Variants in PPP1R9A observed in about 807,000 individuals in gnomAD.
PPP1R9A encodes the protein neurabin-1.
Under a neutral mutation model 141.9 loss-of-function variants are expected in PPP1R9A, and 59 were observed. The ratio of observed to expected loss-of-function variants is 0.42; its 90% confidence interval spans 0.34 to 0.52. The LOEUF is 0.52. Among genes scored for constraint, PPP1R9A ranks in the 20% least tolerant of loss-of-function variants. The pLI is 0.10. For missense variants in PPP1R9A, 1,444 were observed against 1,611.9 expected (o/e 0.90, Z 1.78); for synonymous variants, 500 against 569.7 (o/e 0.88, Z 1.74).
chr7:95,043,412 C>T (rs551017091), intron 2 of PPP1R9A, among the ~76,000 whole-genome samples: 129 of 152,268 alleles, frequency 8.5e-4, no homozygotes, highest in African/African-American at 3.0e-3. Flanking sequence ...AAAACTTGTA[C>T]ATGATGTTTT....
At chr7:95,157,109 G>A (rs963735937) in intron 4 of PPP1R9A, among the ~76,000 whole-genome samples, 2 of 152,148 alleles carry the variant, frequency 1.3e-5, no homozygotes, top group African/African-American at 4.8e-5. Flanking sequence ...CCAAGTATCT[G>A]TCTGCCTCCC....
chr7:95,288,746 T>TA (rs1435562320), intron 19 of PPP1R9A, 28 bp downstream of exon 19: 3 of 1,604,978 alleles, frequency 1.9e-6, no homozygotes, highest in Non-Finnish European at 2.6e-6. Flanking sequence ...TGTCTTAGGT[T>TA]ACCAGGTATA....
chr7:94,980,808 T>C (rs1800016868), intron 2 of PPP1R9A, among the ~76,000 whole-genome samples: 2 of 152,082 alleles, frequency 1.3e-5, no homozygotes, highest in Admixed American at 6.6e-5. Flanking sequence ...ATATTGAATA[T>C]TACTCAAAGC....
At chr7:95,087,894 CAAAA>C (rs1293796093) in intron 2 of PPP1R9A, among the ~76,000 whole-genome samples, 2 of 121,828 alleles carry the variant, frequency 1.6e-5, no homozygotes, top group African/African-American at 6.3e-5. Flanking sequence ...GACTCCATCT[CAAAA>C]AAAAGAGAGA....
chr7:95,057,014 ATCTC>A (rs1056627249), intron 2 of PPP1R9A, among the ~76,000 whole-genome samples: 1 of 152,122 alleles, frequency 6.6e-6, no homozygotes, highest in African/African-American at 2.4e-5. Context: ...TTGAATTTTG[ATCTC>A]TCTCTCCATG....
chr7:95,247,173 G>A (rs553937937), intron 8 of PPP1R9A, among the ~76,000 whole-genome samples: 24 of 152,264 alleles, frequency 1.6e-4, no homozygotes, highest in African/African-American at 5.8e-4. Flanking sequence ...GTTCCTTGAC[G>A]CTCAAATCAT....
chr7:94,934,847 T>TACAC (rs748557984), intron 2 of PPP1R9A, among the ~76,000 whole-genome samples: 2 of 144,394 alleles, frequency 1.4e-5, no homozygotes, highest in South Asian at 4.4e-4. Context: ...TACGTATACA[T>TACAC]ACACACACAC....
chr7:95,073,342 AT>A (rs1490981240), intron 2 of PPP1R9A, among the ~76,000 whole-genome samples: 1 of 152,104 alleles, frequency 6.6e-6, no homozygotes, highest in East Asian at 1.9e-4. Context: ...TTATAGCTAC[AT>A]GTAAAGCTAC....
At chr7:95,198,207 A>G (rs1836574481) in intron 5 of PPP1R9A, 142 bp from the exon 6 acceptor site, 3 of 709,668 alleles carry the variant, frequency 4.2e-6, no homozygotes, top group Admixed American at 3.9e-5. Flanking sequence ...CTTCTCACCC[A>G]AGAAAACCAT....
intron 2 of PPP1R9A, among the ~76,000 whole-genome samples, chr7:95,072,501 T>C (rs1319965095): frequency 2.1e-5 from 3 of 142,966 alleles, no homozygotes; most frequent in Non-Finnish European, 3.0e-5. Context: ...TCAGGACTCA[T>C]AAAACTAAGT....
At chr7:95,203,754 T>C (rs1410170305) in intron 7 of PPP1R9A, 24 bp downstream of exon 7, 3 of 1,457,614 alleles carry the variant, frequency 2.1e-6, no homozygotes, top group Non-Finnish European at 2.8e-6. Flanking sequence ...TTTAAAGTAA[T>C]GCTTACCTGT....
At chr7:95,133,503 T>C (rs1458556935) in intron 4 of PPP1R9A, among the ~76,000 whole-genome samples, 1 of 115,040 alleles carries the variant, frequency 8.7e-6, no homozygotes, top group Non-Finnish European at 1.7e-5. Context: ...GGATATATTA[T>C]GCAGTCGTAT....
At chr7:95,274,899 G>T (rs1802878884) in intron 16 of PPP1R9A, among the ~76,000 whole-genome samples, 1 of 152,104 alleles carries the variant, frequency 6.6e-6, no homozygotes, top group South Asian at 2.1e-4. Context: ...ATTTCCTCAT[G>T]TAAAATGAGA....
At chr7:95,221,999 A>AT (rs1371746913) in intron 7 of PPP1R9A, among the ~76,000 whole-genome samples, 2 of 152,098 alleles carry the variant, frequency 1.3e-5, no homozygotes, top group East Asian at 3.9e-4. Flanking sequence ...TTTGTCAGCG[A>AT]TTCCTCTCTG....
intron 2 of PPP1R9A, among the ~76,000 whole-genome samples, chr7:95,078,124 TC>T (rs1235331572): frequency 2.1e-5 from 2 of 93,194 alleles, no homozygotes; most frequent in African/African-American, 4.2e-5. Flanking sequence ...AAGCTATCCC[TC>T]CCCCCTCCCC....
At chr7:95,072,920 A>G (rs1244000091) in intron 2 of PPP1R9A, among the ~76,000 whole-genome samples, 2 of 124,752 alleles carry the variant, frequency 1.6e-5, no homozygotes, top group Admixed American at 1.0e-4. Flanking sequence ...AATATATATT[A>G]TATATTGCAT....
At chr7:95,150,007 A>G (rs1828363602) in intron 4 of PPP1R9A, among the ~76,000 whole-genome samples, 1 of 152,150 alleles carries the variant, frequency 6.6e-6, no homozygotes, top group Admixed American at 6.6e-5. Flanking sequence ...AAGAATAGAC[A>G]AAGAGATCAG....
chr7:95,115,002 C>A (rs1313959653), intron 3 of PPP1R9A, among the ~76,000 whole-genome samples: 2 of 150,774 alleles, frequency 1.3e-5, no homozygotes, highest in African/African-American at 4.9e-5. Context: ...AAAAAATGGA[C>A]CTGTCTTAGA....
intron 4 of PPP1R9A, among the ~76,000 whole-genome samples, chr7:95,152,708 C>CA (rs1828910076): frequency 6.6e-6 from 1 of 152,132 alleles, no homozygotes; most frequent in East Asian, 1.9e-4. Context: ...AAAATAGACT[C>CA]AGTTACCCAT....
Sources: gnomAD v4.1 joint callset for allele counts (sites outside exome capture counted in the v4.1 genomes callset) on GRCh38, gnomAD v4.1.1 for gene constraint, MANE v1.5 for transcripts, NCBI Gene and HGNC (gene_info 2026-07-23, HGNC 2026-07-21) for gene names.